The following ACP6 variants were observed in gnomAD, a reference collection of about 807,000 sequenced individuals.
ACP6 encodes acid phosphatase 6, lysophosphatidic.
A neutral mutation model predicts 48.1 loss-of-function variants in ACP6; 48 were observed. The ratio of observed to expected loss-of-function variants is 1.00; its 90% CI spans 0.79 to 1.27. ACP6 has a LOEUF of 1.27. Ranked by LOEUF, ACP6 falls within the 50% of genes most tolerant of loss-of-function variation. The pLI is 0.00. For synonymous variants in ACP6, 172 were observed against 204.2 expected (o/e 0.84, Z 1.34); for missense variants, 485 against 529.1 (o/e 0.92, Z 0.82).
At chr1:147,666,163 A>C (rs1660788235) in intron 1 of ACP6, among the ~76,000 whole-genome samples, 1 of 152,236 alleles carries the variant, frequency 6.6e-6, no homozygotes, top group African/African-American at 2.4e-5. Flanking sequence ...TTACATAAAG[A>C]AACAAACTTG....
chr1:147,640,733 GC>G (rs1198587307), downstream of ACP6, among the ~76,000 whole-genome samples: 4 of 152,100 alleles, frequency 2.6e-5, no homozygotes, highest in Non-Finnish European at 4.4e-5. Flanking sequence ...GTGGGCCACT[GC>G]CCCCCTCCCA....
At chr1:147,666,661 CAG>C (rs782104041) in intron 1 of ACP6, among the ~76,000 whole-genome samples, 11 of 152,248 alleles carry the variant, frequency 7.2e-5, no homozygotes, top group East Asian at 1.9e-4. Context: ...CAAGCTTCAC[CAG>C]AGAGTCTTTT....
At chr1:147,641,349 G>A (rs587635433), downstream of ACP6, among the ~76,000 whole-genome samples, 2 of 152,308 alleles carry the variant, frequency 1.3e-5, no homozygotes, top group East Asian at 1.9e-4. Context: ...AACGATCCAC[G>A]TGGAACTAAC....
At position 147,645,491 on chromosome 1, in the gene ACP6, T is replaced by C. The variant is rs1659589407; in HGVS notation, c.*1932A>G. ...CTGGGACACCCCAACACTTACGGAT[T>C]AGAAAAAGGTAGATTCAGCAGGAAC... On this transcript the variant is annotated 3_prime_UTR_variant, in exon 10 of 10. Transcript: ENST00000583509. 1 of 152,106 alleles carries C rather than the reference T, an allele frequency of 6.6e-6. No homozygotes were observed. The highest frequency in any genetic ancestry group is 2.1e-4 in the South Asian group (1 of 4,828). 9.4% of individuals were successfully genotyped at this position (152,106 alleles called of 1,614,324 possible).
intron 7 of ACP6, 50 bp downstream of exon 7, chr1:147,652,399 T>C (rs782121457): frequency 5.8e-6 from 9 of 1,559,496 alleles, no homozygotes; most frequent in Non-Finnish European, 7.0e-6. Flanking sequence ...CCCCATACAC[T>C]TGGATGTCTG....
At chr1:147,631,898 T>G (rs1553207426) in intron 5 of ACP6, among the ~76,000 whole-genome samples, 1 of 152,150 alleles carries the variant, frequency 6.6e-6, no homozygotes, top group East Asian at 1.9e-4. Flanking sequence ...CCTAATGTAA[T>G]TAGTATGAAA....
At position 147,669,765 on chromosome 1, in the gene ACP6, G is replaced by A. The variant is rs1485632396; in HGVS notation, c.219+65C>T. On this transcript the variant is annotated intron_variant, in intron 1 of 9. Coordinates refer to ENST00000583509, the MANE Select transcript of ACP6 (RefSeq NM_016361.5). ...GTAAAGCTCTGAAGATGTGTGTCAGGGCGAGACTCCTGGCCTGGCACACGG... is the reference window on the plus strand; with the variant it reads ...GTAAAGCTCTGAAGATGTGTGTCAGAGCGAGACTCCTGGCCTGGCACACGG... The A allele has an allele frequency of 6.2e-6, 9 of 1,461,338 alleles. No homozygotes were observed. In the East Asian group the frequency reaches 2.0e-4, roughly 32 times the overall value. 90.5% of individuals were successfully genotyped at this position (1,461,338 alleles called of 1,614,324 possible).
At chr1:147,656,725 C>A (rs1660277114) in intron 4 of ACP6, among the ~76,000 whole-genome samples, 1 of 152,148 alleles carries the variant, frequency 6.6e-6, no homozygotes, top group Admixed American at 6.6e-5. Context: ...AAGAATTAAA[C>A]AAGTTAATAT....
chr1:147,647,505 A>T lies in ACP6; in HGVS notation c.1205T>A (p.Met402Lys). ...LCPLDMFLNA[M>K]SVYTLSPEKY... ...TTCTGGGCTTAAGGTATAAACTGAC[A>T]TGGCATTCAAGAACATGTCCAGCGG... The change falls in exon 10 of 10, where the codon ATG becomes AAG. Residue 402 changes from methionine (M) to lysine (K), a missense_variant. By Grantham distance (95) the Met-to-Lys change is moderately conservative. Coordinates refer to ENST00000583509, the MANE Select transcript of ACP6 (RefSeq NM_016361.5). The T allele has an allele frequency of 6.2e-7, 1 of 1,614,142 alleles. No homozygotes were observed. The highest frequency in any genetic ancestry group is 1.7e-4 in the Middle Eastern group (1 of 6,060).
chr1:147,643,246 TGTTACAA>T lies in ACP6; in HGVS notation c.*4170_*4176del, dbSNP rs879994711. 8 of 152,232 alleles carry T rather than the reference TGTTACAA, an allele frequency of 5.3e-5. No individual in the cohort carries two copies. Among genetic ancestry groups the T allele is most frequent in the Non-Finnish European group, 1.2e-4 (8 of 68,040 alleles). The allele number at this position is 152,232 out of a possible 1,614,324, so 9.4% of individuals were successfully genotyped here. ...GAGAACCAACTGTTTTGCTCATCAG[TGTTACAA>T]GGCAACGATGTTGAACAAAACACAA... is the stretch of plus-strand genomic sequence containing the variant. On this transcript the variant is annotated 3_prime_UTR_variant, in exon 10 of 10. Coordinates refer to ENST00000583509, the MANE Select transcript of ACP6 (RefSeq NM_016361.5).
intron 4 of ACP6, among the ~76,000 whole-genome samples, chr1:147,656,167 A>G (rs766497527): frequency 2.0e-4 from 31 of 152,182 alleles, no homozygotes; most frequent in Non-Finnish European, 1.0e-4. Flanking sequence ...TCACACACAC[A>G]TCGTTGGTCT....
chr1:147,652,637 C>G, intron 6 of ACP6, 88 bp from the exon 7 acceptor site: 1 of 1,607,188 alleles, frequency 6.2e-7, no homozygotes, highest in South Asian at 1.1e-5. Context: ...CCTGCAGGAG[C>G]CCATCTTCTC....
At chr1:147,647,709 G>C (rs1553209713) in intron 9 of ACP6, 143 bp from the exon 10 acceptor site, 2 of 1,079,836 alleles carry the variant, frequency 1.9e-6, no homozygotes, top group Admixed American at 6.0e-5. Flanking sequence ...CCACTACCCG[G>C]TGAGCTTCCA....
At chr1:147,663,090 T>C (rs1553213068) in intron 1 of ACP6, among the ~76,000 whole-genome samples, 1 of 152,194 alleles carries the variant, frequency 6.6e-6, no homozygotes, top group African/African-American at 2.4e-5. Context: ...TATTGCATGA[T>C]AGGATACAGA....
At chr1:147,655,821 C>T (rs1660226892) in intron 4 of ACP6, among the ~76,000 whole-genome samples, 1 of 152,132 alleles carries the variant, frequency 6.6e-6, no homozygotes, top group African/African-American at 2.4e-5. Context: ...TACAATGTTT[C>T]TCATATATCT....
At chr1:147,632,217 ACACACAC>A (rs1373028099) in intron 5 of ACP6, among the ~76,000 whole-genome samples, 288 of 151,752 alleles carry the variant, frequency 1.9e-3, no homozygotes, top group Non-Finnish European at 2.8e-3. Context: ...ACACACACAC[ACACACAC>A]CATCATTTTG....
chr1:147,640,593 T>A (rs1259307835), downstream of ACP6, among the ~76,000 whole-genome samples: 1 of 152,170 alleles, frequency 6.6e-6, no homozygotes, highest in Non-Finnish European at 1.5e-5. Context: ...AATAAAGATA[T>A]ACAGGCTTAT....
chr1:147,659,115 G>A (rs141025077), intron 3 of ACP6, 76 bp from the exon 4 acceptor site: 127 of 1,327,268 alleles, frequency 9.6e-5, no homozygotes, highest in Non-Finnish European at 1.2e-4. Context: ...TTCCACATAC[G>A]CTCCAGGGGT....
At chr1:147,665,644 C>T (rs1481515880) in intron 1 of ACP6, among the ~76,000 whole-genome samples, 1 of 152,204 alleles carries the variant, frequency 6.6e-6, no homozygotes, top group East Asian at 1.9e-4. Flanking sequence ...ACTGAATTAT[C>T]CATCCTTGTA....
Sources: gnomAD v4.1 joint callset for allele counts (sites outside exome capture counted in the v4.1 genomes callset) on GRCh38, gnomAD v4.1.1 for gene constraint, MANE v1.5 for transcripts, NCBI Gene and HGNC (gene_info 2026-07-23, HGNC 2026-07-21) for gene names.